The following PRDM15 variants were observed in gnomAD, a reference collection of about 807,000 sequenced individuals.
PRDM15 encodes the protein PR/SET domain 15.
Under a neutral mutation model 128.6 loss-of-function variants are expected in PRDM15, and 64 were observed. That is an observed-to-expected ratio of 0.50 (90% CI 0.41 to 0.61). PRDM15 has a LOEUF of 0.61. Among genes scored for constraint, PRDM15 ranks in the 20% least tolerant of loss-of-function variants. The pLI is 0.00. For synonymous variants in PRDM15, 615 were observed against 621.8 expected (o/e 0.99, Z 0.16); for missense variants, 1,242 against 1,569.1 (o/e 0.79, Z 3.52).
At chr21:41,808,227 T>C (rs2061742661) in intron 21 of PRDM15, among the ~76,000 whole-genome samples, 1 of 152,202 alleles carries the variant, frequency 6.6e-6, no homozygotes, top group Non-Finnish European at 1.5e-5. Flanking sequence ...AAGGTGGTCC[T>C]GGCGCTTCGG....
rs780165124 is a variant in PRDM15 at position 41,823,402 on chromosome 21, G to A, written c.1677C>T (p.Gly559=). The A allele has an allele frequency of 1.1e-5, 17 of 1,566,836 alleles. No homozygotes were observed. Among genetic ancestry groups the A allele is most frequent in the African/African-American group, 2.7e-5 (2 of 73,564 alleles). ...AGATCTCGCAGGTGTACTTCTTGTCGCCGTGGGTGAGCAGGTGCTTGTTCA... is the reference window on the plus strand; with the variant it reads ...AGATCTCGCAGGTGTACTTCTTGTCACCGTGGGTGAGCAGGTGCTTGTTCA... ...SNMNKHLLTH[G]DKKYTCEICG... is the part of the protein sequence containing the mutation. The change falls in exon 14 of 24, where the codon GGC becomes GGT. Residue 559 remains glycine, a synonymous_variant. Transcript: ENST00000398548.
intron 1 of PRDM15, chr21:41,872,136 T>C (rs1445599594): frequency 6.6e-6 from 1 of 152,488 alleles, no homozygotes; most frequent in Admixed American, 6.5e-5. Flanking sequence ...CCAAATGGTA[T>C]CTATATAAAC....
At chr21:41,860,743 G>C (rs2063785411) in intron 1 of PRDM15, among the ~76,000 whole-genome samples, 1 of 152,116 alleles carries the variant, frequency 6.6e-6, no homozygotes, top group Non-Finnish European at 1.5e-5. Flanking sequence ...AATGTTTAAA[G>C]ACAATTCCTA....
chr21:41,850,453 G>A (rs1356431207), intron 5 of PRDM15, among the ~76,000 whole-genome samples: 3 of 152,104 alleles, frequency 2.0e-5, no homozygotes, highest in South Asian at 2.1e-4. Context: ...ACAAGTTAAG[G>A]CCAGGCACAG....
At position 41,828,826 on chromosome 21, in the gene PRDM15, C is replaced by A. The variant is rs373057002; in HGVS notation, c.1367-493G>T. Among the ~76,000 whole-genome samples the A allele has an allele frequency of 1.8e-4, 28 of 152,140 alleles. No homozygotes were observed. Among genetic ancestry groups the A allele is most frequent in the African/African-American group, 6.5e-4 (27 of 41,462 alleles). On this transcript the variant is annotated intron_variant, in intron 11 of 23. Coordinates refer to ENST00000398548, the MANE Select transcript of PRDM15 (RefSeq NM_001040424.3). The surrounding 1 kb of genome is among the most constrained non-coding windows in gnomAD (Gnocchi z 5.7). ...GGTGTTGGCCCCTCCCAACTCCTTC[C>A]CCGTGGGCGGGCATCAATGTGCCCA... is the stretch of plus-strand genomic sequence containing the variant.
chr21:41,826,250 C>G (rs1351220643), intron 12 of PRDM15, among the ~76,000 whole-genome samples, 196 bp from the exon 13 acceptor site: 1 of 152,210 alleles, frequency 6.6e-6, no homozygotes, highest in Non-Finnish European at 1.5e-5. Context: ...ATTCCTGAAG[C>G]AGCCCCAGGG....
intron 6 of PRDM15, 87 bp downstream of exon 6, chr21:41,847,003 C>T (rs914482436): frequency 1.4e-5 from 12 of 885,684 alleles, no homozygotes; most frequent in Admixed American, 4.5e-5. Context: ...TGGGACATCC[C>T]GACAGCCGCA....
chr21:41,815,381 G>A (rs562115626), intron 19 of PRDM15, among the ~76,000 whole-genome samples: 5 of 152,206 alleles, frequency 3.3e-5, no homozygotes, highest in Non-Finnish European at 7.3e-5. Flanking sequence ...CACATCCCTG[G>A]CCCTTGTCTG....
At chr21:41,815,134 G>A (rs772332122) in intron 19 of PRDM15, among the ~76,000 whole-genome samples, 5 of 151,742 alleles carry the variant, frequency 3.3e-5, no homozygotes, top group South Asian at 4.1e-4. Flanking sequence ...TAGAGATGGC[G>A]CAGGCTGCTC....
Position 41,854,639 on chromosome 21 carries a change from G to C in PRDM15, c.465C>G (p.Arg155=). The change falls in exon 5 of 24, where the codon CGC becomes CGG. Residue 155 remains arginine, a synonymous_variant. Transcript: ENST00000398548. This position sits in a 1 kb window ranked among gnomAD's most constrained non-coding sequence, Gnocchi z 4.6. ...TGGCATAGAAGGCCGCATACCACAC[G>C]CGCAGCTCGGTACCCGGGGGGATGT... is the stretch of plus-strand genomic sequence containing the variant. ...SRDIPPGTEL[R]VWYAAFYAKK... 6.2e-7 allele frequency: 1 copy of C among 1,613,768 alleles called. No homozygotes were observed. The highest frequency in any genetic ancestry group is 8.5e-7 in the Non-Finnish European group (1 of 1,179,976).
intron 1 of PRDM15, among the ~76,000 whole-genome samples, chr21:41,875,349 A>G (rs1601507776): frequency 2.0e-5 from 3 of 152,318 alleles, no homozygotes; most frequent in African/African-American, 7.2e-5. Context: ...CGGCAGCTCC[A>G]CCTGATGCCT....
intron 5 of PRDM15, among the ~76,000 whole-genome samples, 191 bp from the exon 6 acceptor site, chr21:41,847,382 C>A (rs73361527): frequency 0.033 from 5,058 of 152,256 alleles, 254 homozygotes; most frequent in African/African-American, 0.11. Flanking sequence ...CTGATACGGT[C>A]GTGTGACTGT....
intron 21 of PRDM15, among the ~76,000 whole-genome samples, chr21:41,806,024 CCACCACCAT>C (rs2061566403): frequency 2.6e-4 from 3 of 11,560 alleles, no homozygotes; most frequent in African/African-American, 8.1e-4. Flanking sequence ...ACCATCACCA[CCACCACCAT>C]CACCACCACC....
chr21:41,839,348 T>C (rs2062996051), intron 7 of PRDM15, among the ~76,000 whole-genome samples: 1 of 152,210 alleles, frequency 6.6e-6, no homozygotes, highest in Admixed American at 6.5e-5. Flanking sequence ...GAGACAGAAA[T>C]GTCCTCTACC....
rs1382161297 is a variant in PRDM15 at position 41,854,275 on chromosome 21, A to G, written c.538+291T>C. ...TGCGCGAGAGTGCGCTCTACCATGC[A>G]CTCATGACAATGCCATCGCCCCAGG... On this transcript the variant is annotated intron_variant, in intron 5 of 23. Transcript: ENST00000398548. The surrounding 1 kb of genome is among the most constrained non-coding windows in gnomAD (Gnocchi z 4.6). Among the ~76,000 whole-genome samples, 4 of 152,126 alleles carry G rather than the reference A, an allele frequency of 2.6e-5. No individual in the cohort carries two copies. The highest frequency in any genetic ancestry group is 6.5e-5 in the Admixed American group (1 of 15,278).
chr21:41,820,625 A>C (rs1286920884), intron 16 of PRDM15, among the ~76,000 whole-genome samples: 1 of 152,126 alleles, frequency 6.6e-6, no homozygotes, highest in African/African-American at 2.4e-5. Context: ...TCCAGGACTG[A>C]AGATGGTAAG....
At chr21:41,829,615 A>G (rs932217711) in intron 11 of PRDM15, among the ~76,000 whole-genome samples, 17 of 151,856 alleles carry the variant, frequency 1.1e-4, no homozygotes, top group Non-Finnish European at 2.1e-4. Flanking sequence ...CACACACCAC[A>G]CAAATACACC....
At chr21:41,837,057 A>T (rs955528972) in intron 8 of PRDM15, 2 of 155,516 alleles carry the variant, frequency 1.3e-5, no homozygotes, top group Admixed American at 1.3e-4. Flanking sequence ...ATGGTAAGCC[A>T]CCTGAACTCT....
rs2061358778 is a variant in PRDM15, at chr21:41,798,987, A to ACTTCT, written c.*2252_*2253insAGAAG. On this transcript the variant is annotated 3_prime_UTR_variant, in exon 24 of 24. Coordinates refer to ENST00000398548, the MANE Select transcript of PRDM15 (RefSeq NM_001040424.3). ...TGATTTTTCTTTAGAGTTCTCACTT[A>ACTTCT]TAACAAGAAGTAAGAGGTGTCTGTG... 1 of 152,252 alleles carries ACTTCT rather than the reference A, an allele frequency of 6.6e-6. No homozygotes were observed. The highest frequency in any genetic ancestry group is 2.1e-4 in the South Asian group (1 of 4,830). The allele number at this position is 152,252 out of a possible 1,614,324, so 9.4% of individuals were successfully genotyped here.
Sources: allele counts gnomAD v4.1 joint callset (sites outside exome capture counted in the v4.1 genomes callset), GRCh38; gene constraint gnomAD v4.1.1; non-coding constraint Gnocchi (gnomAD v3.1); transcripts MANE v1.5; gene names NCBI Gene and HGNC (gene_info 2026-07-23, HGNC 2026-07-21).